The following BICD1 variants were observed in gnomAD, a reference collection of about 807,000 sequenced individuals.
BICD1 encodes BICD cargo adaptor 1, also known as protein bicaudal D homolog 1.
BICD1 carries 35 observed loss-of-function variants against 92.5 expected under a neutral mutation model. The ratio of observed to expected loss-of-function variants is 0.38; its 90% CI spans 0.29 to 0.50. The LOEUF is 0.50. BICD1 is among the 20% of genes least tolerant of loss of function. The probability of loss-of-function intolerance (pLI) is 0.93; values close to 1 mark genes in which losing one functional copy is unlikely to be tolerated. For missense variants in BICD1, 950 were observed against 1,189.8 expected (o/e 0.80, Z 2.97); for synonymous variants, 429 against 465.1 (o/e 0.92, Z 1.00).
chr12:32,230,399 CAAATAAATAAATAAAT>C (rs535189097), intron 2 of BICD1, among the ~76,000 whole-genome samples: 60 of 133,302 alleles, frequency 4.5e-4, no homozygotes, highest in South Asian at 4.0e-3. Context: ...GACCCTGTCT[CAAATAAATAAATAAAT>C]AAATAAATAA....
At chr12:32,361,010 T>C (rs1359827691) in intron 8 of BICD1, among the ~76,000 whole-genome samples, 3 of 152,218 alleles carry the variant, frequency 2.0e-5, no homozygotes, top group Admixed American at 2.0e-4. Context: ...TTTATAGCAC[T>C]ACCTGTAAAC....
intron 4 of BICD1, among the ~76,000 whole-genome samples, chr12:32,307,128 C>T (rs1306230260): frequency 1.3e-5 from 2 of 152,132 alleles, no homozygotes; most frequent in African/African-American, 4.8e-5. Flanking sequence ...TGCAGTTTTT[C>T]ATCACAAGCA....
At chr12:32,270,101 AC>A (rs1947098410) in intron 2 of BICD1, among the ~76,000 whole-genome samples, 1 of 132,284 alleles carries the variant, frequency 7.6e-6, no homozygotes, top group Non-Finnish European at 1.6e-5. Flanking sequence ...AGCCTGAGCG[AC>A]AAAGCCAGAC....
At chr12:32,368,332 T>A (rs1474377875) in intron 9 of BICD1, among the ~76,000 whole-genome samples, 1 of 151,944 alleles carries the variant, frequency 6.6e-6, no homozygotes, top group East Asian at 1.9e-4. Context: ...ACTGCACACC[T>A]GCCTGGTGAG....
At chr12:32,353,895 G>T (rs567039057) in intron 8 of BICD1, 3 of 152,254 alleles carry the variant, frequency 2.0e-5, no homozygotes, top group Non-Finnish European at 4.4e-5. Flanking sequence ...TAAACAGAAG[G>T]TTATTTTTTG....
At chr12:32,150,099 A>ACT (rs746358185) in intron 1 of BICD1, among the ~76,000 whole-genome samples, 4 of 152,010 alleles carry the variant, frequency 2.6e-5, no homozygotes, top group Non-Finnish European at 4.4e-5. Flanking sequence ...CATGAGACTT[A>ACT]CTCACTATCA....
chr12:32,356,840 C>T (rs1236414763), intron 8 of BICD1, among the ~76,000 whole-genome samples: 2 of 152,168 alleles, frequency 1.3e-5, no homozygotes, highest in Non-Finnish European at 2.9e-5. Context: ...ACTTTTCTAT[C>T]TCCACGTCAG....
chr12:32,171,988 C>CACACACATAT (rs1555141634), intron 1 of BICD1, among the ~76,000 whole-genome samples: 3 of 132,420 alleles, frequency 2.3e-5, no homozygotes, highest in Non-Finnish European at 3.2e-5. Context: ...CACACACACA[C>CACACACATAT]ACTAAAACTG....
intron 2 of BICD1, among the ~76,000 whole-genome samples, chr12:32,282,962 G>C (rs1014164747): frequency 6.6e-6 from 1 of 152,200 alleles, no homozygotes; most frequent in African/African-American, 2.4e-5. Context: ...GTGGAAATAT[G>C]AATATAAAGG....
intron 1 of BICD1, chr12:32,108,194 A>G (rs1181387383): frequency 5.3e-6 from 1 of 188,164 alleles, no homozygotes; most frequent in Non-Finnish European, 1.1e-5. Context: ...CACCCTGACT[A>G]GAAAAAATTG....
chr12:32,271,274 T>A lies in BICD1; in HGVS notation c.427-22720T>A, dbSNP rs114690493. On this transcript the variant is annotated intron_variant, in intron 2 of 9. Coordinates refer to ENST00000652176, the MANE Select transcript of BICD1 (RefSeq NM_001714.4). Reference sequence around the variant, plus strand: ...TCTGTTTCCACAGTGCTTCCAGCCCTCTCCCCAGTTTGGAGGCCCCCAAAA... The same window carrying A: ...TCTGTTTCCACAGTGCTTCCAGCCCACTCCCCAGTTTGGAGGCCCCCAAAA... Among the ~76,000 whole-genome samples the A allele has an allele frequency of 9.6e-3, 1,460 of 152,220 alleles. 13 individuals carry two copies. Among genetic ancestry groups the A allele is most frequent in the African/African-American group, 0.032 (1,317 of 41,542 alleles).
intron 1 of BICD1, among the ~76,000 whole-genome samples, chr12:32,199,578 C>T (rs1483792429): frequency 6.6e-6 from 1 of 152,174 alleles, no homozygotes; most frequent in Non-Finnish European, 1.5e-5. Flanking sequence ...TTTTCCAGAG[C>T]TTATATACCT....
chr12:32,195,616 T>C (rs1314561871), intron 1 of BICD1, among the ~76,000 whole-genome samples: 1 of 152,216 alleles, frequency 6.6e-6, no homozygotes, highest in Non-Finnish European at 1.5e-5. Flanking sequence ...TTACAACATA[T>C]ACAACAATTC....
chr12:32,120,496 G>A (rs1942103031), intron 1 of BICD1, among the ~76,000 whole-genome samples: 1 of 152,208 alleles, frequency 6.6e-6, no homozygotes, highest in Non-Finnish European at 1.5e-5. Flanking sequence ...GCAGAGTAAT[G>A]TGGAATCAAA....
At chr12:32,272,176 A>G (rs1250747179) in intron 2 of BICD1, among the ~76,000 whole-genome samples, 1 of 152,176 alleles carries the variant, frequency 6.6e-6, no homozygotes, top group Non-Finnish European at 1.5e-5. Flanking sequence ...TAAATCATAT[A>G]CATGTTGCTC....
chr12:32,141,325 A>AT (rs35841126), intron 1 of BICD1, among the ~76,000 whole-genome samples: 7 of 151,376 alleles, frequency 4.6e-5, no homozygotes, highest in Non-Finnish European at 7.4e-5. Flanking sequence ...TATATTTCTG[A>AT]TTTTTTTTTG....
chr12:32,196,919 G>A (rs1944742831), intron 1 of BICD1, among the ~76,000 whole-genome samples: 1 of 151,918 alleles, frequency 6.6e-6, no homozygotes, highest in Non-Finnish European at 1.5e-5. Context: ...TGTTAAATAA[G>A]TACTTTAAAA....
In BICD1 at chr12:32,153,787, G is replaced by A. The variant is rs554420595; in HGVS notation, c.213+46243G>A. ...TGTGTGTACATATATATATATGTGT[G>A]TGTGTGTGTGTATATATGTAATACA... On this transcript the variant is annotated intron_variant, in intron 1 of 9. Transcript: ENST00000652176. 5.4e-3 allele frequency among the ~76,000 whole-genome samples: 798 copies of A among 149,146 alleles called. 10 individuals carry two copies. The highest frequency in any genetic ancestry group is 6.1e-3 in the Non-Finnish European group (410 of 67,104).
intron 4 of BICD1, among the ~76,000 whole-genome samples, chr12:32,308,406 A>G (rs1948288245): frequency 6.6e-6 from 1 of 152,198 alleles, no homozygotes; most frequent in Non-Finnish European, 1.5e-5. Context: ...TTTCCCATGG[A>G]ATGGGATACA....
Sources: allele counts gnomAD v4.1 joint callset (sites outside exome capture counted in the v4.1 genomes callset), GRCh38; gene constraint gnomAD v4.1.1; transcripts MANE v1.5; gene names NCBI Gene and HGNC (gene_info 2026-07-23, HGNC 2026-07-21).